ZNF385D: variants seen among roughly 807,000 people sequenced by gnomAD.
ZNF385D encodes zinc finger protein 385D.
ZNF385D carries 15 observed loss-of-function variants against 35.8 expected under a neutral mutation model. The observed-to-expected ratio is 0.42, with a 90% CI of 0.28 to 0.64. The LOEUF (loss-of-function observed/expected upper bound fraction) is 0.64. Ranked by LOEUF, ZNF385D falls within the 30% of genes least tolerant of loss-of-function variation. The pLI, the probability that ZNF385D is intolerant of heterozygous loss-of-function variation, is 0.23. For missense variants in ZNF385D, 474 were observed against 494.6 expected (o/e 0.96, Z 0.39); for synonymous variants, 212 against 186.8 (o/e 1.13, Z -1.10).
intron 5 of ZNF385D, among the ~76,000 whole-genome samples, chr3:21,429,391 C>G (rs1419601863): frequency 6.6e-6 from 1 of 151,960 alleles, no homozygotes; most frequent in Non-Finnish European, 1.5e-5. Flanking sequence ...TAGAAATGCA[C>G]ATGATTTTTA....
At chr3:22,208,715 AT>A (rs1697320062) in intron 2 of ZNF385D, among the ~76,000 whole-genome samples, 1 of 90,272 alleles carries the variant, frequency 1.1e-5, no homozygotes, top group Non-Finnish European at 2.1e-5. Flanking sequence ...AAAAGTAAAA[AT>A]TAAAAAAAAA....
chr3:22,197,220 T>C (rs1696479809), intron 2 of ZNF385D, among the ~76,000 whole-genome samples: 1 of 152,084 alleles, frequency 6.6e-6, no homozygotes, highest in Non-Finnish European at 1.5e-5. Context: ...ATTTGACATA[T>C]TTTGGCAGTA....
chr3:22,146,899 T>C (rs1286952899), intron 3 of ZNF385D, among the ~76,000 whole-genome samples: 1 of 152,164 alleles, frequency 6.6e-6, no homozygotes, highest in Non-Finnish European at 1.5e-5. Flanking sequence ...GGGAAGTGTA[T>C]TGTTTTGTCT....
At chr3:21,520,343 T>C (rs779783982) in intron 3 of ZNF385D, among the ~76,000 whole-genome samples, 1 of 152,232 alleles carries the variant, frequency 6.6e-6, no homozygotes, top group Non-Finnish European at 1.5e-5. Flanking sequence ...ATCCTGTCCC[T>C]AGGATCTATC....
chr3:22,325,727 C>G (rs767977706), intron 2 of ZNF385D, among the ~76,000 whole-genome samples: 4 of 152,076 alleles, frequency 2.6e-5, no homozygotes, highest in African/African-American at 4.8e-5. Flanking sequence ...CATTGCACTC[C>G]AGAGTGGCCA....
chr3:22,325,749 C>T (rs764751512), intron 2 of ZNF385D, among the ~76,000 whole-genome samples: 2 of 152,060 alleles, frequency 1.3e-5, no homozygotes, highest in Non-Finnish European at 2.9e-5. Context: ...CAGAGCGAGA[C>T]TCTGTCTCAA....
At chr3:22,198,463 C>T (rs1253858235) in intron 2 of ZNF385D, among the ~76,000 whole-genome samples, 2 of 151,886 alleles carry the variant, frequency 1.3e-5, no homozygotes, top group African/African-American at 4.8e-5. Flanking sequence ...ATTGATGGGA[C>T]CTTGTTTATA....
At chr3:21,801,195 C>G (rs901697074) in intron 3 of ZNF385D, among the ~76,000 whole-genome samples, 5 of 152,106 alleles carry the variant, frequency 3.3e-5, no homozygotes, top group Admixed American at 2.6e-4. Context: ...TGATTATAAT[C>G]CTCTAAATAA....
intron 3 of ZNF385D, among the ~76,000 whole-genome samples, chr3:22,112,226 G>A (rs74747800): frequency 2.8e-3 from 424 of 152,166 alleles, no homozygotes; most frequent in South Asian, 6.2e-3. Context: ...CTTTAGCTGC[G>A]TATTTAAACC....
intron 3 of ZNF385D, among the ~76,000 whole-genome samples, chr3:21,828,857 C>G (rs553891240): frequency 6.6e-6 from 1 of 152,284 alleles, no homozygotes; most frequent in Admixed American, 6.5e-5. Flanking sequence ...TATAGACCAC[C>G]TCTGGTCCTT....
intron 2 of ZNF385D, among the ~76,000 whole-genome samples, chr3:22,260,438 A>T (rs1156282063): frequency 4.6e-5 from 7 of 152,000 alleles, no homozygotes; most frequent in Non-Finnish European, 7.4e-5. Flanking sequence ...CAGGTGCAGC[A>T]AACCACCATG....
At chr3:21,604,544 T>TA (rs1195442082) in intron 2 of ZNF385D, among the ~76,000 whole-genome samples, 4 of 152,020 alleles carry the variant, frequency 2.6e-5, no homozygotes, top group African/African-American at 9.7e-5. Context: ...AAGAGAAAAG[T>TA]AAGAGTATTT....
intron 3 of ZNF385D, among the ~76,000 whole-genome samples, chr3:22,147,385 T>C (rs1004701415): frequency 4.6e-5 from 7 of 152,138 alleles, no homozygotes; most frequent in Non-Finnish European, 8.8e-5. Context: ...GCCATGGGAA[T>C]TGGCCATAGC....
chr3:21,654,585 G>A (rs1191671606), intron 2 of ZNF385D, among the ~76,000 whole-genome samples: 1 of 151,978 alleles, frequency 6.6e-6, no homozygotes, highest in Non-Finnish European at 1.5e-5. Context: ...AACAAACAGA[G>A]CAGTGCTTCT....
intron 3 of ZNF385D, among the ~76,000 whole-genome samples, chr3:22,072,807 C>A (rs761789939): frequency 1.3e-5 from 2 of 151,890 alleles, no homozygotes; most frequent in Non-Finnish European, 2.9e-5. Flanking sequence ...AATAAGGAAA[C>A]AGAACAAAAG....
chr3:22,166,814 A>T (rs187925745), intron 3 of ZNF385D, among the ~76,000 whole-genome samples: 2 of 152,324 alleles, frequency 1.3e-5, no homozygotes, highest in East Asian at 1.9e-4. Context: ...GTTGTTTATT[A>T]CTTCTCCAAA....
intron 4 of ZNF385D, among the ~76,000 whole-genome samples, chr3:21,492,212 CAA>C (rs1705473559): frequency 6.6e-6 from 1 of 151,954 alleles, no homozygotes; most frequent in East Asian, 1.9e-4. Flanking sequence ...GAGAATAAAG[CAA>C]AGTCTTTCTA....
At chr3:22,344,679 C>T (rs141653659) in intron 2 of ZNF385D, among the ~76,000 whole-genome samples, 2,977 of 152,220 alleles carry the variant, frequency 0.02, 86 homozygotes, top group African/African-American at 0.06. Context: ...GCCTCTGTCT[C>T]CCAATGTGCT....
At chr3:21,563,503 A>G (rs1559409043) in intron 3 of ZNF385D, among the ~76,000 whole-genome samples, 2 of 152,192 alleles carry the variant, frequency 1.3e-5, no homozygotes. Flanking sequence ...ATAAAATGTA[A>G]TGTTCTCTTC....
Sources: allele counts gnomAD v4.1 joint callset (sites outside exome capture counted in the v4.1 genomes callset), GRCh38; gene constraint gnomAD v4.1.1; transcripts MANE v1.5; gene names NCBI Gene and HGNC (gene_info 2026-07-23, HGNC 2026-07-21).